Variants in MAGI2 observed in about 807,000 individuals in gnomAD.
MAGI2 encodes membrane-associated guanylate kinase, WW and PDZ domain-containing protein 2.
In MAGI2, 35 loss-of-function variants were observed where a neutral mutation model predicts 133.3. That is an observed-to-expected ratio of 0.26 (90% CI 0.20 to 0.35). MAGI2 has a LOEUF of 0.35. Among genes scored for constraint, MAGI2 ranks in the 10% least tolerant of loss-of-function variants. MAGI2 has a pLI of 1.00. For synonymous variants in MAGI2, 729 were observed against 710.6 expected (o/e 1.03, Z -0.41); for missense variants, 1,636 against 1,863.4 (o/e 0.88, Z 2.25).
At chr7:78,562,336 A>C (rs1263316009) in intron 3 of MAGI2, among the ~76,000 whole-genome samples, 2 of 152,212 alleles carry the variant, frequency 1.3e-5, no homozygotes, top group Admixed American at 6.5e-5. Context: ...TGTGGCACAG[A>C]TGTCCTATAC....
In MAGI2 at chr7:79,397,171, T is replaced by C. The variant is rs181546896; in HGVS notation, c.301+55849A>G. ...TTTTTAGGAGTTATTATTTATATTA[T>C]ATATATATGTTATTTTAGTATATAT... On this transcript the variant is annotated intron_variant, in intron 1 of 21. Coordinates refer to ENST00000354212, the MANE Select transcript of MAGI2 (RefSeq NM_012301.4). 1.6e-3 allele frequency among the ~76,000 whole-genome samples: 234 copies of C among 149,212 alleles called. 1 individual carries two copies. The highest frequency in any genetic ancestry group is 3.6e-3 in the Middle Eastern group (1 of 280).
chr7:79,078,525 T>G (rs1815751841), intron 1 of MAGI2, among the ~76,000 whole-genome samples: 1 of 152,212 alleles, frequency 6.6e-6, no homozygotes, highest in South Asian at 2.1e-4. Context: ...AGAAAGAGAC[T>G]GAAAATCACA....
intron 20 of MAGI2, among the ~76,000 whole-genome samples, chr7:78,121,603 G>A (rs1001059530): frequency 4.6e-5 from 7 of 152,252 alleles, no homozygotes; most frequent in African/African-American, 1.7e-4. Context: ...TCTTGTGAGT[G>A]TGTGTAGTAA....
chr7:78,667,868 C>T (rs139456088), intron 2 of MAGI2, among the ~76,000 whole-genome samples: 2,318 of 152,102 alleles, frequency 0.015, 69 homozygotes, highest in African/African-American at 0.053. Flanking sequence ...CATGTGTCTT[C>T]ATAGCAGCAT....
At chr7:79,145,539 A>G (rs1389157131) in intron 1 of MAGI2, among the ~76,000 whole-genome samples, 1 of 152,126 alleles carries the variant, frequency 6.6e-6, no homozygotes, top group Non-Finnish European at 1.5e-5. Context: ...AGCAAACAGG[A>G]AGACCTAATC....
At chr7:78,077,604 T>TTAAG (rs772972645) in intron 21 of MAGI2, among the ~76,000 whole-genome samples, 38,948 of 151,224 alleles carry the variant, frequency 0.26, 5,220 homozygotes, top group African/African-American at 0.32. Context: ...TTAAGGTCTT[T>TTAAG]GAGTTTAGAT....
chr7:79,080,331 C>A (rs1562868286), intron 1 of MAGI2, among the ~76,000 whole-genome samples: 2 of 152,062 alleles, frequency 1.3e-5, no homozygotes, highest in Non-Finnish European at 1.5e-5. Context: ...GTATACTGGG[C>A]AGCTCACTGT....
intron 17 of MAGI2, chr7:78,134,807 C>A (rs1034154390): frequency 2.4e-5 from 12 of 504,860 alleles, no homozygotes; most frequent in Non-Finnish European, 4.2e-5. Flanking sequence ...CATAGCTTGA[C>A]CTCTGAATGA....
At chr7:79,075,731 TCCAGC>T (rs1182558567) in intron 1 of MAGI2, among the ~76,000 whole-genome samples, 6 of 152,158 alleles carry the variant, frequency 3.9e-5, no homozygotes, top group Non-Finnish European at 7.3e-5. Flanking sequence ...GCCACTGCAC[TCCAGC>T]CTTGGTGGAG....
chr7:79,313,515 C>G (rs1176765751), intron 1 of MAGI2, among the ~76,000 whole-genome samples: 2 of 152,002 alleles, frequency 1.3e-5, no homozygotes, highest in African/African-American at 4.8e-5. Context: ...TAATCTCCAA[C>G]TATACATGAT....
intron 1 of MAGI2, among the ~76,000 whole-genome samples, chr7:79,274,113 C>T (rs779182812): frequency 9.9e-5 from 15 of 152,008 alleles, no homozygotes; most frequent in Non-Finnish European, 1.8e-4. Context: ...GAGTGTCAGT[C>T]AAGCAATGAA....
At chr7:78,310,124 T>C (rs1584819583) in intron 9 of MAGI2, among the ~76,000 whole-genome samples, 1 of 152,172 alleles carries the variant, frequency 6.6e-6, no homozygotes, top group East Asian at 1.9e-4. Context: ...TGCAGTTACA[T>C]TTTCAATATA....
intron 1 of MAGI2, among the ~76,000 whole-genome samples, chr7:79,069,871 T>C (rs141403524): frequency 0.037 from 5,685 of 152,234 alleles, 233 homozygotes; most frequent in African/African-American, 0.1. Context: ...TGAAGCTTAG[T>C]TTGGATGGAT....
intron 1 of MAGI2, among the ~76,000 whole-genome samples, chr7:79,054,605 G>A (rs1812972676): frequency 6.6e-6 from 1 of 152,018 alleles, no homozygotes; most frequent in African/African-American, 2.4e-5. Flanking sequence ...CATAAACTAG[G>A]CCTTGATACC....
chr7:79,434,610 C>G (rs1427460347), intron 1 of MAGI2, among the ~76,000 whole-genome samples: 1 of 152,086 alleles, frequency 6.6e-6, no homozygotes, highest in Admixed American at 6.6e-5. Context: ...ATAGTGAACT[C>G]TAAATATATT....
At chr7:78,958,782 A>G (rs1056807242) in intron 2 of MAGI2, among the ~76,000 whole-genome samples, 1 of 152,138 alleles carries the variant, frequency 6.6e-6, no homozygotes, top group Non-Finnish European at 1.5e-5. Context: ...TTACCTGGTA[A>G]TCCACCGCAA....
intron 16 of MAGI2, among the ~76,000 whole-genome samples, chr7:78,138,608 T>C (rs75167383): frequency 0.017 from 2,539 of 146,846 alleles, 73 homozygotes; most frequent in African/African-American, 0.061. Context: ...AAATCCCAAA[T>C]GTTTCAAAAC....
intron 21 of MAGI2, among the ~76,000 whole-genome samples, chr7:78,055,303 G>C (rs1812449386): frequency 6.6e-6 from 1 of 152,180 alleles, no homozygotes; most frequent in African/African-American, 2.4e-5. Flanking sequence ...AAATAACCTT[G>C]CAATGTTTAC....
chr7:79,307,970 G>A (rs1837955797), intron 1 of MAGI2, among the ~76,000 whole-genome samples: 1 of 152,134 alleles, frequency 6.6e-6, no homozygotes, highest in African/African-American at 2.4e-5. Context: ...CTCTGAGTTT[G>A]GTTCCACATT....
Sources: allele counts gnomAD v4.1 joint callset (sites outside exome capture counted in the v4.1 genomes callset), GRCh38; gene constraint gnomAD v4.1.1; transcripts MANE v1.5; gene names NCBI Gene and HGNC (gene_info 2026-07-23, HGNC 2026-07-21).